Variants in PCDH9 observed in about 807,000 individuals in gnomAD.
PCDH9 encodes the protein protocadherin 9, also known as protocadherin-9.
PCDH9 carries 24 observed loss-of-function variants against 70.6 expected under a neutral mutation model. The observed-to-expected ratio is 0.34, with a 90% CI of 0.25 to 0.48. PCDH9 has a LOEUF of 0.48. Among genes scored for constraint, PCDH9 ranks in the 20% least tolerant of loss-of-function variants. PCDH9 has a pLI of 0.99. For missense variants in PCDH9, 1,281 were observed against 1,503.6 expected (o/e 0.85, Z 2.45); for synonymous variants, 562 against 558.5 (o/e 1.01, Z -0.09).
intron 2 of PCDH9, among the ~76,000 whole-genome samples, chr13:67,076,859 T>C (rs1237655044): frequency 1.3e-5 from 2 of 152,170 alleles, no homozygotes; most frequent in Non-Finnish European, 2.9e-5. Context: ...ATAACACATA[T>C]GTTTATTACC....
chr13:66,822,965 C>T (rs534423279), intron 3 of PCDH9, among the ~76,000 whole-genome samples: 1 of 151,882 alleles, frequency 6.6e-6, no homozygotes, highest in Admixed American at 6.6e-5. Flanking sequence ...GTGTATAAAA[C>T]TCTATTTTAA....
chr13:66,753,378 A>G (rs2079489713), intron 3 of PCDH9, among the ~76,000 whole-genome samples: 1 of 152,186 alleles, frequency 6.6e-6, no homozygotes, highest in Non-Finnish European at 1.5e-5. Flanking sequence ...TGAACCCAAG[A>G]CAGAGAAATC....
chr13:66,406,953 A>C (rs1320988300), intron 4 of PCDH9, among the ~76,000 whole-genome samples: 2 of 152,210 alleles, frequency 1.3e-5, no homozygotes, highest in Non-Finnish European at 2.9e-5. Flanking sequence ...TGATTCAGCA[A>C]AACCATATAC....
At chr13:66,909,651 C>T (rs1333587298) in intron 2 of PCDH9, among the ~76,000 whole-genome samples, 1 of 152,044 alleles carries the variant, frequency 6.6e-6, no homozygotes, top group African/African-American at 2.4e-5. Flanking sequence ...CGCCTGTAGT[C>T]CCAGCTACTA....
chr13:66,932,656 T>TCA (rs941994893), intron 2 of PCDH9, among the ~76,000 whole-genome samples: 2 of 64,092 alleles, frequency 3.1e-5, no homozygotes, highest in African/African-American at 8.7e-5. Context: ...GTGTAAATCC[T>TCA]CACATATATA....
intron 3 of PCDH9, among the ~76,000 whole-genome samples, chr13:66,889,741 C>T (rs1382324520): frequency 6.6e-6 from 1 of 152,118 alleles, no homozygotes. Flanking sequence ...AATACAGAAC[C>T]TCTCTTTTCT....
intron 4 of PCDH9, among the ~76,000 whole-genome samples, chr13:66,599,515 TAAC>T (rs1319563475): frequency 6.6e-6 from 1 of 151,768 alleles, no homozygotes; most frequent in African/African-American, 2.4e-5. Context: ...ATACATCAAT[TAAC>T]AACTATTTAA....
intron 2 of PCDH9, among the ~76,000 whole-genome samples, chr13:67,158,667 A>G (rs1347188674): frequency 6.6e-6 from 1 of 152,232 alleles, no homozygotes; most frequent in Non-Finnish European, 1.5e-5. Flanking sequence ...TCCAGACTCC[A>G]GAACTGTGAG....
intron 2 of PCDH9, among the ~76,000 whole-genome samples, chr13:67,126,130 A>G (rs1312170618): frequency 2.6e-5 from 4 of 152,170 alleles, no homozygotes; most frequent in Non-Finnish European, 5.9e-5. Context: ...TCAAATTGAC[A>G]CCATTTGGTT....
At chr13:66,952,274 G>A (rs2083194570) in intron 2 of PCDH9, among the ~76,000 whole-genome samples, 1 of 152,098 alleles carries the variant, frequency 6.6e-6, no homozygotes, top group Non-Finnish European at 1.5e-5. Flanking sequence ...TTTATTGAGT[G>A]ATGTTCAACC....
chr13:66,735,575 A>G (rs1033301520), intron 3 of PCDH9, among the ~76,000 whole-genome samples: 7 of 152,220 alleles, frequency 4.6e-5, no homozygotes, highest in Non-Finnish European at 7.3e-5. Flanking sequence ...TGTTTTAAAA[A>G]AAAGCAACAA....
rs1197082581 is a variant in PCDH9 at position 66,566,207 on chromosome 13, A to G, written c.3340+65003T>C. The stretch of plus-strand genomic sequence containing the variant: ...TTTCAGAGTTTTCCTTCACTCTAGA[A>G]TATTGGAAAATACTTTGTAGGAATG... On this transcript the variant is annotated intron_variant, in intron 4 of 4. Transcript: ENST00000377865. 2.0e-5 allele frequency among the ~76,000 whole-genome samples: 3 copies of G among 152,286 alleles called. No individual in the cohort carries two copies. The East Asian group carries it at 5.8e-4, about 29-fold the overall frequency.
chr13:66,509,478 C>T (rs1278966330), intron 4 of PCDH9, among the ~76,000 whole-genome samples: 5 of 152,166 alleles, frequency 3.3e-5, no homozygotes, highest in Admixed American at 2.6e-4. Flanking sequence ...CTTGACACAT[C>T]CCACTGATCA....
chr13:66,711,337 G>A (rs1395455463), intron 3 of PCDH9, among the ~76,000 whole-genome samples: 1 of 151,150 alleles, frequency 6.6e-6, no homozygotes, highest in African/African-American at 2.4e-5. Flanking sequence ...TTCCAAGTTT[G>A]TGTACTAACT....
intron 3 of PCDH9, among the ~76,000 whole-genome samples, chr13:66,891,292 A>C (rs964280558): frequency 6.6e-6 from 1 of 152,094 alleles, no homozygotes; most frequent in Non-Finnish European, 1.5e-5. Flanking sequence ...TGTTCTCTAA[A>C]TACATTCAGA....
chr13:67,224,291 T>C (rs905497715), intron 2 of PCDH9: 3 of 152,218 alleles, frequency 2.0e-5, no homozygotes, highest in Non-Finnish European at 4.4e-5. Flanking sequence ...CGAATGAACT[T>C]AAATGCTAGT....
chr13:66,862,162 T>A (rs773950494), intron 3 of PCDH9, among the ~76,000 whole-genome samples: 10 of 152,218 alleles, frequency 6.6e-5, no homozygotes, highest in Admixed American at 1.3e-4. Flanking sequence ...ATTTAAATAA[T>A]ATGTTCTCAA....
intron 3 of PCDH9, among the ~76,000 whole-genome samples, chr13:66,730,353 A>G (rs2079056628): frequency 6.6e-6 from 1 of 152,198 alleles, no homozygotes; most frequent in Non-Finnish European, 1.5e-5. Context: ...TCTACTGCAT[A>G]CTGTCTGTGA....
At chr13:66,975,566 A>C (rs1310302243) in intron 2 of PCDH9, among the ~76,000 whole-genome samples, 1 of 152,040 alleles carries the variant, frequency 6.6e-6, no homozygotes, top group African/African-American at 2.4e-5. Context: ...GAAATTCAAA[A>C]CATGGAGTCA....
Sources: allele counts gnomAD v4.1 joint callset (sites outside exome capture counted in the v4.1 genomes callset), GRCh38; gene constraint gnomAD v4.1.1; transcripts MANE v1.5; gene names NCBI Gene and HGNC (gene_info 2026-07-23, HGNC 2026-07-21).